BAAT: variants seen among roughly 807,000 people sequenced by gnomAD.
BAAT encodes the protein bile acid-CoA:amino acid N-acyltransferase, also known as bile acid CoA: amino acid N-acyltransferase (glycine N-choloyltransferase).
BAAT carries 13 observed loss-of-function variants against 18.9 expected under a neutral mutation model. That is an observed-to-expected ratio of 0.69 (90% CI 0.45 to 1.10). The LOEUF (loss-of-function observed/expected upper bound fraction) is 1.10, where lower values mean the gene tolerates loss of function less well. Ranked by LOEUF, BAAT falls within the 50% of genes least tolerant of loss-of-function variation. The pLI is 0.00. For missense variants in BAAT, 489 were observed against 504.0 expected, an observed-to-expected ratio of 0.97 and a Z score of 0.28; for synonymous variants, 170 against 190.7, an observed-to-expected ratio of 0.89 and a Z score of 0.89.
At chr9:101,370,728 A>C (rs1167958956) in intron 2 of BAAT, among the ~76,000 whole-genome samples, 2 of 152,178 alleles carry the variant, frequency 1.3e-5, no homozygotes, top group African/African-American at 4.8e-5. Flanking sequence ...TTCAGACCCA[A>C]GGTTAACATT....
chr9:101,372,044 TA>T (rs1829957005), intron 1 of BAAT, among the ~76,000 whole-genome samples: 1 of 152,060 alleles, frequency 6.6e-6, no homozygotes, highest in Non-Finnish European at 1.5e-5. Flanking sequence ...CTAAGTGAAC[TA>T]ATGAAGAAAC....
intron 1 of BAAT, among the ~76,000 whole-genome samples, chr9:101,379,575 A>G (rs552126218): frequency 6.6e-6 from 1 of 152,368 alleles, no homozygotes; most frequent in South Asian, 2.1e-4. Flanking sequence ...AATTGGTCCT[A>G]CAATAATTTA....
At chr9:101,376,915 A>G (rs1427627441) in intron 1 of BAAT, among the ~76,000 whole-genome samples, 3 of 152,196 alleles carry the variant, frequency 2.0e-5, no homozygotes, top group Admixed American at 2.0e-4. Context: ...GAAACTGTGA[A>G]AAGCTATTGT....
At chr9:101,372,875 T>C (rs1027188585) in intron 1 of BAAT, among the ~76,000 whole-genome samples, 3 of 152,168 alleles carry the variant, frequency 2.0e-5, no homozygotes, top group African/African-American at 7.2e-5. Flanking sequence ...ATTGGTTTGA[T>C]AAACTAGAAT....
At chr9:101,380,291 A>T (rs1830111588) in intron 1 of BAAT, among the ~76,000 whole-genome samples, 1 of 152,218 alleles carries the variant, frequency 6.6e-6, no homozygotes, top group Non-Finnish European at 1.5e-5. Flanking sequence ...CTGCTGAAGC[A>T]TGTATATCCT....
rs748148700 is a variant in BAAT at position 101,368,254 on chromosome 9, T to C, written c.535A>G (p.Ser179Gly). Residue 179 changes from serine (S) to glycine (G), a missense_variant, in exon 3 of 4, where the codon AGC becomes GGC. Ser to Gly is a moderately conservative substitution (Grantham distance 56). Coordinates refer to ENST00000259407, the MANE Select transcript of BAAT (RefSeq NM_001701.4). ...GCGAAGCCACGACTGGCTAGGAGGC[T>C]GGCCCGAAATTCAAGCAGCCCACCC... ...GLGGLLEFRA[S>G]LLASRGFASL... The C allele has an allele frequency of 2.5e-6, 4 of 1,613,608 alleles. No individual in the cohort carries two copies. The highest frequency in any genetic ancestry group is 2.5e-6 in the Non-Finnish European group (3 of 1,180,012).
At chr9:101,365,978 G>A (rs1016251735) in intron 3 of BAAT, among the ~76,000 whole-genome samples, 2 of 152,104 alleles carry the variant, frequency 1.3e-5, no homozygotes, top group South Asian at 2.1e-4. Flanking sequence ...TTTCTTTGGG[G>A]TAAGAACATT....
At chr9:101,366,484 C>G (rs559959832) in intron 3 of BAAT, among the ~76,000 whole-genome samples, 9 of 152,142 alleles carry the variant, frequency 5.9e-5, no homozygotes, top group African/African-American at 2.2e-4. Context: ...TTCTCAGAGT[C>G]TGGGGAAAAA....
In BAAT at chr9:101,371,035, C is replaced by G. The variant is rs1829930265; in HGVS notation, c.370G>C (p.Ala124Pro). 1 of 1,614,094 alleles carries G rather than the reference C, an allele frequency of 6.2e-7. No homozygotes were observed. Among genetic ancestry groups the G allele is most frequent in the Non-Finnish European group, 8.5e-7 (1 of 1,180,024 alleles). Residue 124 changes from alanine (A) to proline (P), a missense_variant, in exon 2 of 4, where the codon GCC becomes CCC. Ala to Pro is a conservative substitution (Grantham distance 27). Coordinates refer to ENST00000259407, the MANE Select transcript of BAAT (RefSeq NM_001701.4). ...TACCACCTCTCCAAAGTCAGGCTGG[C>G]CTTTGGAGCACTGGCAACTTTATTG... ...VNNKVASAPK[A>P]SLTLERWYVA...
At position 101,362,611 on chromosome 9, in the gene BAAT, A is replaced by G; in HGVS notation, c.1074T>C (p.Pro358=). 1 of 1,614,152 alleles carries G rather than the reference A, an allele frequency of 6.2e-7. No homozygotes were observed. The highest frequency in any genetic ancestry group is 1.3e-5 in the African/African-American group (1 of 75,048). ...GAGGTTCTATCAGGTGGCCTGCCCCAGGGTAAGATAGCAGGGTCCAGTTGT... is the reference window on the plus strand; with the variant it reads ...GAGGTTCTATCAGGTGGCCTGCCCCGGGGTAAGATAGCAGGGTCCAGTTGT... ...GKNNWTLLSY[P]GAGHLIEPPY... is the part of the protein sequence containing the mutation. Residue 358 remains proline, a synonymous_variant, in exon 4 of 4, where the codon CCT becomes CCC. Transcript: ENST00000259407.
At chr9:101,382,865 A>C (rs1253332264) in intron 1 of BAAT, among the ~76,000 whole-genome samples, 1 of 152,122 alleles carries the variant, frequency 6.6e-6, no homozygotes, top group Non-Finnish European at 1.5e-5. Context: ...TTTAGCTCAA[A>C]CTTATACTTG....
rs1829761325 is a variant in BAAT, at chr9:101,362,861, T to A, written c.824A>T (p.His275Leu). The change falls in exon 4 of 4, where the codon CAT (histidine) becomes CTT (leucine). Residue 275 changes from histidine (H) to leucine (L), a missense_variant. Coordinates refer to ENST00000259407, the MANE Select transcript of BAAT (RefSeq NM_001701.4). ...TTGTGCAGAATGGGGAAGGGGCTGA[T>A]GGATCTGACCATGATATACCTGTGG... ...GIPQVYHGQI[H>L]QPLPHSAQLI... The A allele has an allele frequency of 1.9e-6, 3 of 1,614,038 alleles. No homozygotes were observed. Among genetic ancestry groups the A allele is most frequent in the African/African-American group, 1.3e-5 (1 of 74,922 alleles).
intron 1 of BAAT, among the ~76,000 whole-genome samples, chr9:101,371,868 C>G (rs1039567772): frequency 1.3e-5 from 2 of 152,114 alleles, no homozygotes; most frequent in Admixed American, 1.3e-4. Context: ...TGACTTCACG[C>G]TAATCCCTTC....
At position 101,368,146 on chromosome 9, in the gene BAAT, C is replaced by A; in HGVS notation, c.643G>T (p.Ala215Ser). The A allele has an allele frequency of 6.2e-7, 1 of 1,614,122 alleles. No homozygotes were observed. Among genetic ancestry groups the A allele is most frequent in the Non-Finnish European group, 8.5e-7 (1 of 1,179,996 alleles). The change falls in exon 3 of 4, where the codon GCC becomes TCC. Residue 215 changes from alanine to serine, a missense_variant. Ala to Ser is a moderately conservative substitution (Grantham distance 99, BLOSUM62 1). Transcript: ENST00000259407. ...VTDLEYFEEA[A>S]NFLLRHPKVF... Reference sequence around the variant, plus strand: ...TTTGGATGTCTCAGGAGAAAGTTGGCAGCCTCCTCAAAATATTCCAAATCT... The same window carrying A: ...TTTGGATGTCTCAGGAGAAAGTTGGAAGCCTCCTCAAAATATTCCAAATCT...
At chr9:101,363,649 A>G (rs557086782) in intron 3 of BAAT, among the ~76,000 whole-genome samples, 1 of 152,194 alleles carries the variant, frequency 6.6e-6, no homozygotes, top group East Asian at 1.9e-4. Flanking sequence ...AGGAGGAAAA[A>G]AAAAAACACA....
Position 101,368,010 on chromosome 9 carries a change from C to T in BAAT, c.669+110G>A, listed in dbSNP as rs79172147. On this transcript the variant is annotated intron_variant, in intron 3 of 3. Transcript: ENST00000259407. ...GCTTCTGGCCAAGTGTCAGATCATGCCACTGCACTCCAGCCTGGGTGACGG... is the reference window on the plus strand; with the variant it reads ...GCTTCTGGCCAAGTGTCAGATCATGTCACTGCACTCCAGCCTGGGTGACGG... The T allele has an allele frequency of 5.3e-6, 6 of 1,136,830 alleles. No homozygotes were observed. In the Admixed American group the frequency reaches 7.7e-5, roughly 15 times the overall value. 70.4% of individuals were successfully genotyped at this position (1,136,830 alleles called of 1,614,324 possible).
intron 1 of BAAT, chr9:101,375,823 A>G (rs1036264289): frequency 2.0e-5 from 3 of 152,410 alleles, no homozygotes; most frequent in African/African-American, 7.2e-5. Context: ...GGCTTTGCCG[A>G]AAGTAACTGT....
At chr9:101,366,755 A>C (rs1829835615) in intron 3 of BAAT, among the ~76,000 whole-genome samples, 1 of 150,910 alleles carries the variant, frequency 6.6e-6, no homozygotes, top group Admixed American at 6.6e-5. Context: ...GTAGATTGTC[A>C]GTAATTGTTG....
chr9:101,371,612 C>T (rs1008079303), intron 1 of BAAT, 149 bp from the exon 2 acceptor site: 3 of 602,340 alleles, frequency 5.0e-6, no homozygotes, highest in South Asian at 2.0e-5. Context: ...TAGTACAAGA[C>T]ACCTGAGAGC....
Sources: allele counts gnomAD v4.1 joint callset (sites outside exome capture counted in the v4.1 genomes callset), GRCh38; gene constraint gnomAD v4.1.1; transcripts MANE v1.5; gene names NCBI Gene and HGNC (gene_info 2026-07-23, HGNC 2026-07-21).